PDLIM5: variants seen among roughly 807,000 people sequenced by gnomAD.
The protein encoded by PDLIM5 is PDZ and LIM domain 5, also known as PDZ and LIM domain protein 5.
In PDLIM5, 34 loss-of-function variants were observed where a neutral mutation model predicts 64.2. The observed-to-expected ratio is 0.53, with a 90% confidence interval of 0.40 to 0.71. PDLIM5 has a LOEUF of 0.71. Ranked by LOEUF, PDLIM5 falls within the 30% of genes least tolerant of loss-of-function variation. PDLIM5 has a pLI of 0.00. For synonymous variants in PDLIM5, 253 were observed against 269.1 expected, an observed-to-expected ratio of 0.94 and a Z score of 0.59; for missense variants, 683 against 733.6, an observed-to-expected ratio of 0.93 and a Z score of 0.80.
At chr4:94,638,968 A>G (rs1740788207) in intron 8 of PDLIM5, among the ~76,000 whole-genome samples, 1 of 152,258 alleles carries the variant, frequency 6.6e-6, no homozygotes, top group African/African-American at 2.4e-5. Flanking sequence ...TAACACATTA[A>G]CAGAAAATTA....
intron 5 of PDLIM5, among the ~76,000 whole-genome samples, chr4:94,578,207 T>A (rs578198321): frequency 2.0e-4 from 31 of 152,228 alleles, no homozygotes; most frequent in Non-Finnish European, 4.0e-4. Context: ...CATCTGAAAA[T>A]ACCAAGCTTA....
Position 94,530,776 on chromosome 4 carries a change from T to C in PDLIM5, c.248+6901T>C, listed in dbSNP as rs536068493. 3.9e-5 allele frequency among the ~76,000 whole-genome samples: 6 copies of C among 152,246 alleles called. No individual in the cohort carries two copies. In the East Asian group the frequency reaches 1.2e-3, roughly 29 times the overall value. ...AAAAGATTGCCAGAGGTCCAAATAC[T>C]GCTGCTAATGAATGACAGATTGGAG... is the stretch of plus-strand genomic sequence containing the variant. On this transcript the variant is annotated intron_variant, in intron 3 of 12. Coordinates refer to ENST00000317968, the MANE Select transcript of PDLIM5 (RefSeq NM_006457.5).
chr4:94,580,016 G>A (rs4699540), intron 5 of PDLIM5, among the ~76,000 whole-genome samples: 38,255 of 151,956 alleles, frequency 0.25, 5,366 homozygotes, highest in East Asian at 0.38. Context: ...ACAGTTGTGT[G>A]TCAGTGGATA....
At chr4:94,530,478 ATGT>A (rs2110153798) in intron 3 of PDLIM5, among the ~76,000 whole-genome samples, 1 of 149,346 alleles carries the variant, frequency 6.7e-6, no homozygotes, top group South Asian at 2.1e-4. Flanking sequence ...TTCTTATTTT[ATGT>A]TGTTAAATTA....
intron 9 of PDLIM5, among the ~76,000 whole-genome samples, chr4:94,649,578 T>G (rs1741685834): frequency 6.6e-6 from 1 of 152,260 alleles, no homozygotes; most frequent in Non-Finnish European, 1.5e-5. Context: ...ATAAGTTCCA[T>G]GCAATCAGGG....
intron 3 of PDLIM5, among the ~76,000 whole-genome samples, chr4:94,542,627 T>C (rs536826372): frequency 3.9e-5 from 6 of 152,286 alleles, no homozygotes; most frequent in African/African-American, 1.4e-4. Context: ...GCTTCAATAG[T>C]GTATACTGTC....
At chr4:94,506,216 C>T (rs548082146) in intron 2 of PDLIM5, among the ~76,000 whole-genome samples, 15 of 152,278 alleles carry the variant, frequency 9.9e-5, no homozygotes, top group African/African-American at 2.9e-4. Flanking sequence ...GTCTTTTCAA[C>T]GCCATCATAT....
At chr4:94,626,763 G>C (rs780169704) in intron 8 of PDLIM5, among the ~76,000 whole-genome samples, 3 of 151,680 alleles carry the variant, frequency 2.0e-5, no homozygotes, top group Non-Finnish European at 2.9e-5. Context: ...CTGAGCTTTG[G>C]AGAGATCTGA....
chr4:94,579,714 T>C (rs184138631), intron 5 of PDLIM5, among the ~76,000 whole-genome samples: 4 of 152,266 alleles, frequency 2.6e-5, no homozygotes, highest in Admixed American at 6.5e-5. Context: ...TGAATTGTTT[T>C]ATAGTAATAA....
At chr4:94,476,119 G>T (rs1257703355) in intron 2 of PDLIM5, among the ~76,000 whole-genome samples, 1 of 152,148 alleles carries the variant, frequency 6.6e-6, no homozygotes, top group Non-Finnish European at 1.5e-5. Context: ...TGTCTCATGA[G>T]AATAAAGTAT....
intron 2 of PDLIM5, among the ~76,000 whole-genome samples, chr4:94,482,750 A>C (rs1339357342): frequency 6.6e-6 from 1 of 152,048 alleles, no homozygotes; most frequent in Non-Finnish European, 1.5e-5. Context: ...TTTGCTGAGC[A>C]TGGTAGTGTG....
At chr4:94,539,082 A>T (rs1731555693) in intron 3 of PDLIM5, among the ~76,000 whole-genome samples, 1 of 152,160 alleles carries the variant, frequency 6.6e-6, no homozygotes. Context: ...GCAAGTAATA[A>T]GTCAGTACAA....
intron 7 of PDLIM5, among the ~76,000 whole-genome samples, chr4:94,612,099 T>G (rs1738411838): frequency 6.6e-6 from 1 of 152,098 alleles, no homozygotes; most frequent in Non-Finnish European, 1.5e-5. Context: ...GTGCCTGTAA[T>G]CCCAGCTACT....
At chr4:94,494,444 T>G (rs1175214535) in intron 2 of PDLIM5, among the ~76,000 whole-genome samples, 3 of 132,080 alleles carry the variant, frequency 2.3e-5, no homozygotes, top group Non-Finnish European at 4.9e-5. Context: ...TTTTTTTTTT[T>G]TTTTTTTTTT....
In PDLIM5 at chr4:94,668,138, A is replaced by G. The variant is rs1428249461; in HGVS notation, c.*4071A>G. ...TTGCTTTTGGATACATTTTCTAATT[A>G]GAAGTCACATGATAAATATAATCAG... On this transcript the variant is annotated 3_prime_UTR_variant, in exon 13 of 13. Transcript: ENST00000317968. 2.0e-5 allele frequency: 3 copies of G among 152,300 alleles called. No individual in the cohort carries two copies. Among genetic ancestry groups the G allele is most frequent in the African/African-American group, 7.2e-5 (3 of 41,568 alleles). 9.4% of individuals were successfully genotyped at this position (152,300 alleles called of 1,614,324 possible).
intron 2 of PDLIM5, among the ~76,000 whole-genome samples, chr4:94,517,628 C>A (rs1245869949): frequency 5.3e-5 from 8 of 152,132 alleles, no homozygotes; most frequent in Admixed American, 5.2e-4. Flanking sequence ...TGGGAAATTT[C>A]TGTTAGTGTT....
chr4:94,586,439 G>A lies in PDLIM5; in HGVS notation c.915G>A (p.Lys305=). The part of the protein sequence containing the change: ...LKESEADNTK[K]ANNSQEPSPQ... ...AATCTGAAGCCGATAATACAAAGAA[G>A]GCAAAGTAAGTTCTCTATCTTTTTG... Residue 305 remains lysine, a synonymous_variant, in exon 7 of 13, where the codon AAG becomes AAA. Transcript: ENST00000317968. 3 of 1,506,546 alleles carry A rather than the reference G, an allele frequency of 2.0e-6. No individual in the cohort carries two copies. Among genetic ancestry groups the A allele is most frequent in the Non-Finnish European group, 2.8e-6 (3 of 1,087,180 alleles). The allele number at this position is 1,506,546 out of a possible 1,614,324, so 93.3% of individuals were successfully genotyped here. A position where few individuals can be genotyped will look rare whatever the true frequency, so the allele number is the denominator to read the frequency against.
intron 8 of PDLIM5, among the ~76,000 whole-genome samples, chr4:94,624,851 T>C: frequency 6.6e-6 from 1 of 152,218 alleles, no homozygotes. Flanking sequence ...GACTTGATGC[T>C]GAAAGGAAGC....
At chr4:94,541,613 A>G (rs1412568145) in intron 3 of PDLIM5, among the ~76,000 whole-genome samples, 1 of 152,164 alleles carries the variant, frequency 6.6e-6, no homozygotes, top group Non-Finnish European at 1.5e-5. Flanking sequence ...TTAAATTTTA[A>G]ATTATATACC....
Sources: allele counts gnomAD v4.1 joint callset (sites outside exome capture counted in the v4.1 genomes callset), GRCh38; gene constraint gnomAD v4.1.1; transcripts MANE v1.5; gene names NCBI Gene and HGNC (gene_info 2026-07-23, HGNC 2026-07-21).